TENM2: variants seen among roughly 807,000 people sequenced by gnomAD.
TENM2 encodes the protein teneurin transmembrane protein 2.
TENM2 carries 52 observed loss-of-function variants against 245.2 expected under a neutral mutation model. That is an observed-to-expected ratio of 0.21 (90% CI 0.17 to 0.27). The LOEUF (loss-of-function observed/expected upper bound fraction) is 0.27, where lower values mean the gene tolerates loss of function less well. Among genes scored for constraint, TENM2 ranks in the 10% least tolerant of loss-of-function variants. The pLI, the probability that TENM2 is intolerant of heterozygous loss-of-function variation, is 1.00. For missense variants in TENM2, 3,046 were observed against 3,666.8 expected (o/e 0.83, Z 4.37); for synonymous variants, 1,363 against 1,438.9 (o/e 0.95, Z 1.19).
the TENM2 span, among the ~76,000 whole-genome samples, chr5:167,042,085 C>G: frequency 6.6e-6 from 1 of 151,966 alleles, no homozygotes; most frequent in African/African-American, 2.4e-5. Context: ...ATTTATTACC[C>G]GTTAATTTCC....
intron 2 of TENM2, among the ~76,000 whole-genome samples, chr5:167,610,266 A>C (rs1422093645): frequency 1.3e-5 from 2 of 152,088 alleles, no homozygotes. Flanking sequence ...CCCCGTGTGT[A>C]CATCTATCTA....
the TENM2 span, among the ~76,000 whole-genome samples, chr5:167,227,570 T>C: frequency 3.3e-5 from 5 of 152,284 alleles, no homozygotes; most frequent in East Asian, 9.7e-4. Flanking sequence ...CTCAGCACTT[T>C]GAATATATCA....
chr5:167,061,417 T>G, the TENM2 span, among the ~76,000 whole-genome samples: 1 of 152,330 alleles, frequency 6.6e-6, no homozygotes, highest in African/African-American at 2.4e-5. Context: ...TAATGCAATT[T>G]GCAATGGACA....
intron 3 of TENM2, among the ~76,000 whole-genome samples, chr5:167,904,493 T>C (rs953995389): frequency 3.3e-5 from 5 of 152,182 alleles, no homozygotes; most frequent in Non-Finnish European, 5.9e-5. Context: ...ATATTAGTAA[T>C]ATTATTTCAC....
At chr5:167,762,135 C>CCT (rs149957987) in intron 2 of TENM2, among the ~76,000 whole-genome samples, 12 of 150,868 alleles carry the variant, frequency 8.0e-5, no homozygotes, top group South Asian at 2.1e-4. Flanking sequence ...CTTTCTCTCT[C>CCT]CTCTCTCTCT....
intron 2 of TENM2, among the ~76,000 whole-genome samples, chr5:167,504,652 A>T (rs976944790): frequency 4.6e-5 from 7 of 152,330 alleles, no homozygotes; most frequent in Middle Eastern, 3.4e-3. Flanking sequence ...GGGATAGTGT[A>T]TGTGAAATTC....
chr5:167,146,681 A>G, the TENM2 span, among the ~76,000 whole-genome samples: 5 of 152,154 alleles, frequency 3.3e-5, no homozygotes, highest in African/African-American at 1.2e-4. Flanking sequence ...ACGGACTCGA[A>G]TCCCATTCCG....
chr5:167,866,273 C>G (rs187625699), intron 2 of TENM2, among the ~76,000 whole-genome samples: 144 of 152,208 alleles, frequency 9.5e-4, no homozygotes, highest in Non-Finnish European at 1.6e-3. Flanking sequence ...CCGAGGCAGG[C>G]GGCTCACCTG....
chr5:167,323,651 A>G (rs747686039), intron 1 of TENM2, among the ~76,000 whole-genome samples: 1 of 152,198 alleles, frequency 6.6e-6, no homozygotes, highest in Non-Finnish European at 1.5e-5. Flanking sequence ...CTGAAATTTC[A>G]GAAGTATCTG....
At position 167,872,548 on chromosome 5, in the gene TENM2, G is replaced by GAGAAAGAAAGAA. The variant is rs144381538; in HGVS notation, c.503-3414_503-3403dup. ...AGAAAGAAAGAAAGAAAGAAAGAAA[G>GAGAAAGAAAGAA]AGAAAGAAAGAAAGAAAGAAAGAAA... On this transcript the variant is annotated intron_variant, in intron 2 of 28. Coordinates refer to ENST00000518659, the Ensembl canonical transcript of TENM2. 4.1e-3 allele frequency among the ~76,000 whole-genome samples: 268 copies of GAGAAAGAAAGAA among 65,518 alleles called. 1 individual carries two copies. The highest frequency in any genetic ancestry group is 6.4e-3 in the Non-Finnish European group (159 of 24,942). The allele number at this position is 65,518 out of a possible 152,430, so 43.0% of individuals were successfully genotyped here. A position where few individuals can be genotyped will look rare whatever the true frequency, so the allele number is the denominator to read the frequency against.
intron 2 of TENM2, among the ~76,000 whole-genome samples, chr5:167,656,175 C>A (rs1754828028): frequency 6.6e-6 from 1 of 152,092 alleles, no homozygotes; most frequent in African/African-American, 2.4e-5. Flanking sequence ...ACAAAAATCC[C>A]AGAATTTGCA....
chr5:167,340,067 A>G (rs1054550149), intron 1 of TENM2, among the ~76,000 whole-genome samples: 7 of 152,202 alleles, frequency 4.6e-5, no homozygotes, highest in Non-Finnish European at 4.4e-5. Flanking sequence ...CAAATACTCA[A>G]TTGCATCACT....
At chr5:167,593,767 A>G (rs967098644) in intron 2 of TENM2, among the ~76,000 whole-genome samples, 1 of 152,348 alleles carries the variant, frequency 6.6e-6, no homozygotes. Context: ...CTCTCTGGTT[A>G]CAAGCACTTC....
intron 3 of TENM2, among the ~76,000 whole-genome samples, chr5:167,938,280 A>G (rs1778891702): frequency 6.6e-6 from 1 of 152,186 alleles, no homozygotes; most frequent in Non-Finnish European, 1.5e-5. Flanking sequence ...ATATGTGTAG[A>G]CCCAACAGAA....
In TENM2 at chr5:167,329,311, C is replaced by T. The variant is rs550231858; in HGVS notation, c.226+44248C>T. On this transcript the variant is annotated intron_variant, in intron 1 of 28. Coordinates refer to ENST00000518659, the Ensembl canonical transcript of TENM2. ...CTGTAATCTCAGCACTTTGGGAGGC[C>T]GAGGCGGGCGGATCATGAGGTCAGG... 5.8e-4 allele frequency among the ~76,000 whole-genome samples: 87 copies of T among 150,396 alleles called. 1 individual carries two copies. The highest frequency in any genetic ancestry group is 1.8e-3 in the African/African-American group (73 of 40,852).
chr5:168,145,347 T>G (rs1581439555), intron 12 of TENM2, among the ~76,000 whole-genome samples: 1 of 134,520 alleles, frequency 7.4e-6, no homozygotes, highest in African/African-American at 2.8e-5. Flanking sequence ...CATCTTGAAT[T>G]GATTTTTGTA....
At chr5:168,030,910 G>A (rs545778309) in intron 5 of TENM2, among the ~76,000 whole-genome samples, 4 of 152,258 alleles carry the variant, frequency 2.6e-5, no homozygotes, top group South Asian at 2.1e-4. Context: ...TTGGGGGCTC[G>A]TCTTAAAACT....
rs1755251862 is a variant in TENM2, at chr5:167,662,118, C to G, written c.503-213868C>G. Among the ~76,000 whole-genome samples the G allele has an allele frequency of 2.6e-5, 4 of 152,198 alleles. No homozygotes were observed. The South Asian group carries it at 6.2e-4, about 24-fold the overall frequency. On this transcript the variant is annotated intron_variant, in intron 2 of 28. Coordinates refer to ENST00000518659, the Ensembl canonical transcript of TENM2. The stretch of plus-strand genomic sequence containing the variant: ...GCAAAGGAAATTAAGGTGCAGCCAC[C>G]AAAAGAAGCTGATGCTTGGCAGACA...
intron 16 of TENM2, 62 bp from the exon 19 acceptor site, chr5:168,199,802 G>T (rs1761772730): frequency 6.5e-7 from 1 of 1,544,748 alleles, no homozygotes; most frequent in South Asian, 1.2e-5. Context: ...ACAGTATCGG[G>T]GTTACAGTTT....
Sources: allele counts gnomAD v4.1 joint callset (sites outside exome capture counted in the v4.1 genomes callset), GRCh38; gene constraint gnomAD v4.1.1; transcripts MANE v1.5; gene names NCBI Gene and HGNC (gene_info 2026-07-23, HGNC 2026-07-21).